Variants in CATSPERT observed in about 807,000 individuals in gnomAD.
CATSPERT encodes catsper channel auxiliary subunit tau, also known as cation channel sperm-associated targeting subunit tau.
At chr2:201,573,192 C>G in the CATSPERT span, among the ~76,000 whole-genome samples, 1 of 152,148 alleles carries the variant, frequency 6.6e-6, no homozygotes, top group Non-Finnish European at 1.5e-5. Context: ...TTCTAGGAAT[C>G]TGGCCTAAGG....
the CATSPERT span, chr2:201,545,629 C>CAAAAAAAAAAAAA: frequency 5.7e-5 from 9 of 156,530 alleles, no homozygotes; most frequent in Non-Finnish European, 8.3e-5. Flanking sequence ...TTCCTAGAAG[C>CAAAAAAAAAAAAA]AAAAAAAAAA....
At chr2:201,512,267 G>T in the CATSPERT span, among the ~76,000 whole-genome samples, 1 of 152,084 alleles carries the variant, frequency 6.6e-6, no homozygotes, top group South Asian at 2.1e-4. Flanking sequence ...ATGTGCAGTT[G>T]TAAGAAATAA....
At chr2:201,580,297 T>C in the CATSPERT span, among the ~76,000 whole-genome samples, 4 of 152,350 alleles carry the variant, frequency 2.6e-5, no homozygotes, top group African/African-American at 9.6e-5. Flanking sequence ...ATCTGTCTAT[T>C]GTAGAGTAAC....
At chr2:201,568,479 CA>C in the CATSPERT span, among the ~76,000 whole-genome samples, 1 of 152,034 alleles carries the variant, frequency 6.6e-6, no homozygotes. Context: ...AAGCATTTGC[CA>C]GATCTGTAGC....
chr2:201,534,307 A>AC, the CATSPERT span: 2 of 770,274 alleles, frequency 2.6e-6, no homozygotes, highest in African/African-American at 3.8e-5. Context: ...AAGCAAGTCA[A>AC]CCCCACAGTA....
chr2:201,608,339 A>G, the CATSPERT span, among the ~76,000 whole-genome samples: 1 of 152,162 alleles, frequency 6.6e-6, no homozygotes, highest in Non-Finnish European at 1.5e-5. Flanking sequence ...ACTGAATGCC[A>G]AAAAACTCAG....
chr2:201,586,508 A>C, the CATSPERT span, among the ~76,000 whole-genome samples: 10 of 152,136 alleles, frequency 6.6e-5, no homozygotes, highest in Admixed American at 2.6e-4. Context: ...TATATTAACT[A>C]CTACACTAAC....
the CATSPERT span, among the ~76,000 whole-genome samples, chr2:201,490,523 C>G: frequency 6.6e-6 from 1 of 152,152 alleles, no homozygotes; most frequent in Non-Finnish European, 1.5e-5. Flanking sequence ...GGACTGTGTA[C>G]TCTGACTCTC....
the CATSPERT span, among the ~76,000 whole-genome samples, chr2:201,504,572 A>G: frequency 6.6e-6 from 1 of 152,164 alleles, no homozygotes; most frequent in African/African-American, 2.4e-5. Context: ...CCCATGCCCT[A>G]TTCTCTGTCA....
At chr2:201,599,151 A>T in the CATSPERT span, among the ~76,000 whole-genome samples, 1 of 151,956 alleles carries the variant, frequency 6.6e-6, no homozygotes, top group East Asian at 1.9e-4. Context: ...ACTCTCAGAG[A>T]ATATAACAAA....
the CATSPERT span, among the ~76,000 whole-genome samples, chr2:201,517,307 T>C: frequency 4.6e-5 from 7 of 152,256 alleles, no homozygotes; most frequent in Middle Eastern, 3.4e-3. Flanking sequence ...AAGACCGTTA[T>C]TAGCCATTTC....
At chr2:201,578,210 C>A in the CATSPERT span, among the ~76,000 whole-genome samples, 1 of 152,064 alleles carries the variant, frequency 6.6e-6, no homozygotes, top group South Asian at 2.1e-4. Flanking sequence ...TTTGGATAAT[C>A]ATTTTTTCTT....
At chr2:201,583,800 C>G in the CATSPERT span, among the ~76,000 whole-genome samples, 1 of 152,140 alleles carries the variant, frequency 6.6e-6, no homozygotes, top group Admixed American at 6.5e-5. Context: ...AAAAATAGAC[C>G]CCCAAAACAC....
At chr2:201,505,661 C>CT in the CATSPERT span, among the ~76,000 whole-genome samples, 3 of 152,110 alleles carry the variant, frequency 2.0e-5, no homozygotes, top group African/African-American at 7.2e-5. Flanking sequence ...ATCAGAAAAA[C>CT]TGTCAAAAAC....
chr2:201,555,135 G>GA, the CATSPERT span: 2 of 152,098 alleles, frequency 1.3e-5, no homozygotes, highest in Non-Finnish European at 2.9e-5. Flanking sequence ...CCCACTAATG[G>GA]AATATATAGC....
At chr2:201,582,094 C>T in the CATSPERT span, 5 of 1,599,556 alleles carry the variant, frequency 3.1e-6, no homozygotes, top group African/African-American at 5.4e-5. Context: ...TTTATACATA[C>T]CTGAATTACC....
At chr2:201,532,056 T>C in the CATSPERT span, among the ~76,000 whole-genome samples, 1 of 152,140 alleles carries the variant, frequency 6.6e-6, no homozygotes, top group Non-Finnish European at 1.5e-5. Context: ...TCTAAGGTGA[T>C]AGCAATTACA....
the CATSPERT span, among the ~76,000 whole-genome samples, chr2:201,541,608 T>C: frequency 2.1e-5 from 3 of 145,834 alleles, no homozygotes; most frequent in South Asian, 6.5e-4. Context: ...TACATATATA[T>C]ATGACAGAGT....
chr2:201,545,997 A>G, the CATSPERT span, among the ~76,000 whole-genome samples: 1 of 152,184 alleles, frequency 6.6e-6, no homozygotes, highest in Non-Finnish European at 1.5e-5. Flanking sequence ...AGAATACATT[A>G]TGGCCTATGA....
Sources: allele counts gnomAD v4.1 joint callset (sites outside exome capture counted in the v4.1 genomes callset), GRCh38; gene constraint gnomAD v4.1.1; transcripts MANE v1.5; gene names NCBI Gene and HGNC (gene_info 2026-07-23, HGNC 2026-07-21).